The following EPHB4 variants were observed in gnomAD, a reference collection of about 807,000 sequenced individuals.
The protein encoded by EPHB4 is EPH receptor B4.
In EPHB4, 50 loss-of-function variants were observed where a neutral mutation model predicts 110.6. The observed-to-expected ratio is 0.45, with a 90% confidence interval of 0.36 to 0.57. The LOEUF (loss-of-function observed/expected upper bound fraction) is 0.57. EPHB4 is among the 20% of genes least tolerant of loss of function. The pLI is 0.00. For missense variants in EPHB4, 1,128 were observed against 1,382.1 expected, an observed-to-expected ratio of 0.82 and a Z score of 2.91; for synonymous variants, 592 against 578.4, an observed-to-expected ratio of 1.02 and a Z score of -0.34.
intron 13 of EPHB4, 24 bp from the exon 14 acceptor site, chr7:100,806,593 A>AGCTGGGGGACTC (rs781123870): frequency 6.2e-7 from 1 of 1,604,468 alleles, no homozygotes. Flanking sequence ...AGAAAAGGTG[A>AGCTGGGGGACTC]GCTGGGGGAC....
At chr7:100,810,722 C>T (rs963898302) in intron 12 of EPHB4, among the ~76,000 whole-genome samples, 1 of 151,496 alleles carries the variant, frequency 6.6e-6, no homozygotes, top group Non-Finnish European at 1.5e-5. Context: ...CTAAACTGGG[C>T]GAAAGGGCAA....
chr7:100,813,396 A>G (rs1050226306), intron 10 of EPHB4, 188 bp from the exon 11 acceptor site: 6 of 640,448 alleles, frequency 9.4e-6, no homozygotes, highest in African/African-American at 1.9e-5. Flanking sequence ...GCTCACTGCA[A>G]TCTCCGCCTC....
chr7:100,805,733 G>A (rs954363047), intron 14 of EPHB4, 39 bp from the exon 15 acceptor site: 4 of 1,399,920 alleles, frequency 2.9e-6, no homozygotes, highest in Non-Finnish European at 3.7e-6. Context: ...AGGCTGTCCA[G>A]GAAAAGCAAA....
rs775373372 is a variant in EPHB4, at chr7:100,805,656, C to A, written c.2523G>T (p.Pro841=). Residue 841 remains proline (P), a synonymous_variant, in exon 15 of 17, where the codon CCG becomes CCT. Transcript: ENST00000358173. Reference sequence around the variant, plus strand: ...GGAGGGAGGTGGGACAGTCTGGGGGCGGGGGCAGCCGGTAGTCCTGTTCAA... The same window carrying A: ...GGAGGGAGGTGGGACAGTCTGGGGGAGGGGGCAGCCGGTAGTCCTGTTCAA... ...NAIEQDYRLP[P]PPDCPTSLHQ... The A allele has an allele frequency of 1.3e-6, 2 of 1,525,128 alleles. No individual in the cohort carries two copies. The highest frequency in any genetic ancestry group is 8.8e-7 in the Non-Finnish European group (1 of 1,137,808). The allele number at this position is 1,525,128 out of a possible 1,614,324, so 94.5% of individuals were successfully genotyped here.
At position 100,827,172 on chromosome 7, in the gene EPHB4, T is replaced by G; in HGVS notation, c.-142A>C. On this transcript the variant is annotated 5_prime_UTR_variant, in exon 1 of 17. Transcript: ENST00000358173. ...CCCTCAGCGCGGGCCCATGCGAGCG[T>G]GCGGGGCACCGGGCGGCGGCGCCAA... 1.3e-6 allele frequency: 1 copy of G among 797,956 alleles called. No homozygotes were observed. The highest frequency in any genetic ancestry group is 1.7e-6 in the Non-Finnish European group (1 of 571,912). The allele number at this position is 797,956 out of a possible 1,614,324, so 49.4% of individuals were successfully genotyped here.
intron 12 of EPHB4, 49 bp from the exon 13 acceptor site, chr7:100,807,629 T>C (rs201712157): frequency 6.3e-5 from 99 of 1,566,474 alleles, no homozygotes; most frequent in Non-Finnish European, 5.9e-5. Flanking sequence ...CCACCCACCG[T>C]TCCCCCTCCC....
intron 12 of EPHB4, among the ~76,000 whole-genome samples, chr7:100,810,150 T>C (rs1025736449): frequency 6.6e-6 from 1 of 152,140 alleles, no homozygotes; most frequent in Admixed American, 6.5e-5. Context: ...CTCAGGAGGC[T>C]GAGGCAGAAG....
chr7:100,826,580 T>C (rs927181769), intron 1 of EPHB4, among the ~76,000 whole-genome samples: 7 of 152,090 alleles, frequency 4.6e-5, no homozygotes, highest in African/African-American at 1.7e-4. Context: ...AGTTGTGCCT[T>C]GTCTGCTGTT....
In EPHB4 at chr7:100,819,544, C is replaced by A. The variant is rs753939620; in HGVS notation, c.1297+13G>T. The A allele has an allele frequency of 5.8e-6, 9 of 1,542,720 alleles. No individual in the cohort carries two copies. In the East Asian group the frequency reaches 9.1e-5, roughly 16 times the overall value. Reference sequence around the variant, plus strand: ...CCGCCAGACCACCAGCCGCCCCAGCCCCCAAGTCTCACCCTCTCGGTCAGT... The same window carrying A: ...CCGCCAGACCACCAGCCGCCCCAGCACCCAAGTCTCACCCTCTCGGTCAGT... On this transcript the variant is annotated intron_variant, in intron 6 of 16. Coordinates refer to ENST00000358173, the MANE Select transcript of EPHB4 (RefSeq NM_004444.5).
At position 100,819,857 on chromosome 7, in the gene EPHB4, GGGAAACCACGCTCCGCGGAGCCGAA is replaced by G. The variant is rs1174960880; in HGVS notation, c.972_996del (p.Ser325AlafsTer2). The G allele has an allele frequency of 6.4e-7, 1 of 1,550,978 alleles. No homozygotes were observed. The highest frequency in any genetic ancestry group is 8.7e-7 in the Non-Finnish European group (1 of 1,147,104). On this transcript the variant is annotated frameshift_variant, in exon 6 of 17. Transcript: ENST00000358173. LOFTEE classifies it high-confidence loss of function. ...AGGTGCAGGGAGGAGCCGTTCAGGCGGGAAACCACGCTCCGCGGAGCCGAAGGAGGGGCTGCAGGAGACCAGGGAG... is the reference window on the plus strand; with the variant it reads ...AGGTGCAGGGAGGAGCCGTTCAGGCGGGAGGGGCTGCAGGAGACCAGGGAG...
rs1046381858 is a variant in EPHB4, at chr7:100,822,242, G to A, written c.808+29C>T. 3.6e-5 allele frequency: 55 copies of A among 1,542,744 alleles called. No individual in the cohort carries two copies. In the East Asian group the frequency reaches 1.3e-3, roughly 38 times the overall value. ...TTCAGGACTCTCCCCCGGATGAGCA[G>A]CAGTCGCAGGGGAAGCTCCAGCTCT... On this transcript the variant is annotated intron_variant, in intron 4 of 16. Coordinates refer to ENST00000358173, the MANE Select transcript of EPHB4 (RefSeq NM_004444.5). This position sits in a 1 kb window ranked among gnomAD's most constrained non-coding sequence, Gnocchi z 4.7.
At chr7:100,805,050 TGC>T in intron 16 of EPHB4, 114 bp downstream of exon 16, 1 of 1,327,366 alleles carries the variant, frequency 7.5e-7, no homozygotes, top group Non-Finnish European at 1.0e-6. Context: ...ATGAGCGCAG[TGC>T]AAGAAGACAG....
chr7:100,820,245 G>A lies in EPHB4; in HGVS notation c.860C>T (p.Pro287Leu). The A allele has an allele frequency of 6.2e-7, 1 of 1,614,080 alleles. No individual in the cohort carries two copies. ...GTTAGAGTGGCTATTGGCTGGGCAT[G>A]GCTGGCAGGACCCTTCTCCTGACAG... is the stretch of plus-strand genomic sequence containing the variant. ...KPLSGEGSCQ[P>L]CPANSHSNTI... is the part of the protein sequence containing the mutation. The change falls in exon 5 of 17, where the codon CCA becomes CTA. Residue 287 changes from proline (P) to leucine (L), a missense_variant. Pro to Leu is a moderately conservative substitution (Grantham distance 98, BLOSUM62 -3). This residue lies in a region of EPHB4 where 728 missense variants were observed against 828.6 expected (regional missense o/e 0.88). Coordinates refer to ENST00000358173, the MANE Select transcript of EPHB4 (RefSeq NM_004444.5).
chr7:100,809,558 G>A (rs1812885976), intron 12 of EPHB4, among the ~76,000 whole-genome samples: 1 of 152,220 alleles, frequency 6.6e-6, no homozygotes, highest in African/African-American at 2.4e-5. Context: ...GGATCGCCCA[G>A]GCTGGAATGC....
intron 12 of EPHB4, among the ~76,000 whole-genome samples, chr7:100,811,450 C>A (rs1289279509): frequency 6.6e-6 from 1 of 152,000 alleles, no homozygotes; most frequent in Non-Finnish European, 1.5e-5. Context: ...ATTTTCAGTC[C>A]CCCTGCCCCA....
At chr7:100,817,103 A>AAG in intron 8 of EPHB4, 89 bp downstream of exon 8, 1 of 1,229,762 alleles carries the variant, frequency 8.1e-7, no homozygotes, top group African/African-American at 1.6e-5. Context: ...AAAAAAAAAA[A>AAG]AGATGATGGG....
At chr7:100,807,004 CCA>C (rs1216835188) in intron 13 of EPHB4, among the ~76,000 whole-genome samples, 2 of 152,068 alleles carry the variant, frequency 1.3e-5, no homozygotes, top group African/African-American at 4.8e-5. Context: ...GCTCTGTCGC[CCA>C]GTCTGCAGTA....
rs1812978035 is a variant in EPHB4 at position 100,813,084 on chromosome 7, T to C, written c.1870+11A>G. Reference sequence around the variant, plus strand: ...TCGTTCCCAGGTGCCCGGGCAGCCTTCGGCTCTCACCTGCACCAATCACCT... The same window carrying C: ...TCGTTCCCAGGTGCCCGGGCAGCCTCCGGCTCTCACCTGCACCAATCACCT... On this transcript the variant is annotated intron_variant, in intron 11 of 16. Coordinates refer to ENST00000358173, the MANE Select transcript of EPHB4 (RefSeq NM_004444.5). 1.9e-6 allele frequency: 3 copies of C among 1,613,434 alleles called. No homozygotes were observed. Among genetic ancestry groups the C allele is most frequent in the Non-Finnish European group, 2.5e-6 (3 of 1,179,960 alleles).
chr7:100,824,385 G>T (rs940008854), intron 1 of EPHB4, 112 bp from the exon 2 acceptor site: 54 of 1,163,388 alleles, frequency 4.6e-5, no homozygotes, highest in Middle Eastern at 2.0e-4. Context: ...AGCTAGAGGA[G>T]TTGGGGGGCC....
Sources: gnomAD v4.1 joint callset for allele counts (sites outside exome capture counted in the v4.1 genomes callset) on GRCh38, gnomAD v4.1.1 for gene constraint, gnomAD v4.1.1 regional missense constraint, Gnocchi (gnomAD v3.1) non-coding constraint, MANE v1.5 for transcripts, NCBI Gene and HGNC (gene_info 2026-07-23, HGNC 2026-07-21) for gene names.